ZC3H3: variants seen among roughly 807,000 people sequenced by gnomAD.
ZC3H3 encodes the protein zinc finger CCCH-type containing 3, also known as zinc finger CCCH domain-containing protein 3.
A neutral mutation model predicts 77.3 loss-of-function variants in ZC3H3; 36 were observed. That is an observed-to-expected ratio of 0.47 (90% CI 0.36 to 0.61). ZC3H3 has a LOEUF of 0.61. Ranked by LOEUF, ZC3H3 falls within the 20% of genes least tolerant of loss-of-function variation. The pLI is 0.00. For missense variants in ZC3H3, 1,331 were observed against 1,312.2 expected, an observed-to-expected ratio of 1.01 and a Z score of -0.22; for synonymous variants, 626 against 555.2, an observed-to-expected ratio of 1.13 and a Z score of -1.79.
chr8:143,471,313 C>T (rs1328436895), intron 5 of ZC3H3, among the ~76,000 whole-genome samples: 2 of 152,218 alleles, frequency 1.3e-5, no homozygotes, highest in African/African-American at 4.8e-5. Flanking sequence ...GAGGGTGCCC[C>T]AGAAGAGGCA....
chr8:143,514,643 C>T (rs1320244118), intron 3 of ZC3H3, among the ~76,000 whole-genome samples: 2 of 152,224 alleles, frequency 1.3e-5, no homozygotes, highest in East Asian at 1.9e-4. Context: ...CCTGCTCTCG[C>T]GCCCCCTCAG....
chr8:143,536,256 C>CCTT lies in ZC3H3; in HGVS notation c.1559_1561dup (p.Glu520dup). 1.2e-6 allele frequency: 2 copies of CCTT among 1,609,984 alleles called. No homozygotes were observed. Among genetic ancestry groups the CCTT allele is most frequent in the Non-Finnish European group, 8.5e-7 (1 of 1,179,342 alleles). On this transcript the variant is annotated inframe_insertion and splice_region_variant. Transcript: ENST00000262577. ...GCCCAGCGCCCCTGCTCCCAGCATACCTTCCTTGGTGGGGAGGTGGGCCCG... is the reference window on the plus strand; with the variant it reads ...GCCCAGCGCCCCTGCTCCCAGCATACCTTCTTCCTTGGTGGGGAGGTGGGCCCG...
intron 1 of ZC3H3, among the ~76,000 whole-genome samples, chr8:143,540,346 A>G (rs1459396600): frequency 6.6e-6 from 1 of 151,944 alleles, no homozygotes; most frequent in Non-Finnish European, 1.5e-5. Context: ...CAAACCTTCC[A>G]CCTCTGAGTA....
intron 2 of ZC3H3, among the ~76,000 whole-genome samples, chr8:143,537,588 G>A (rs922718751): frequency 2.0e-5 from 3 of 152,230 alleles, no homozygotes; most frequent in African/African-American, 7.2e-5. Context: ...TCCAGGCCAG[G>A]GGCAGACACA....
intron 9 of ZC3H3, among the ~76,000 whole-genome samples, chr8:143,459,030 G>A (rs911892007): frequency 2.0e-5 from 3 of 151,342 alleles, no homozygotes; most frequent in African/African-American, 4.8e-5. Context: ...GGCTTCACTG[G>A]TGAATTCTAC....
chr8:143,437,761 C>A lies in ZC3H3; in HGVS notation c.*295G>T, dbSNP rs937659958. 4.1e-6 allele frequency: 2 copies of A among 485,002 alleles called. No individual in the cohort carries two copies. The highest frequency in any genetic ancestry group is 1.9e-5 in the African/African-American group (1 of 51,536). The allele number at this position is 485,002 out of a possible 1,614,324, so 30.0% of individuals were successfully genotyped here. A position where few individuals can be genotyped will look rare whatever the true frequency, so the allele number is the denominator to read the frequency against. On this transcript the variant is annotated 3_prime_UTR_variant, in exon 12 of 12. Transcript: ENST00000262577. ...AAACCTGGGTGGGGAGGGCTGGGGG[C>A]TGCAGGGCCACTGTTGCCAATGGCA...
At chr8:143,506,278 C>A (rs951556056) in intron 4 of ZC3H3, among the ~76,000 whole-genome samples, 2 of 152,188 alleles carry the variant, frequency 1.3e-5, no homozygotes, top group African/African-American at 2.4e-5. Context: ...AGAGGTGGAC[C>A]CTCGACGTCG....
chr8:143,459,351 T>C lies in ZC3H3; in HGVS notation c.2307+6366A>G, dbSNP rs57884004. Among the ~76,000 whole-genome samples, 1,421 of 152,200 alleles carry C rather than the reference T, an allele frequency of 9.3e-3. 27 individuals are homozygous for C. Among genetic ancestry groups the C allele is most frequent in the African/African-American group, 0.032 (1,331 of 41,518 alleles). Reference sequence around the variant, plus strand: ...TCACCTGAGGTCAGGAGTTTGAGACTAGCCTCACCAACATGGCGAAACCCG... The same window carrying C: ...TCACCTGAGGTCAGGAGTTTGAGACCAGCCTCACCAACATGGCGAAACCCG... On this transcript the variant is annotated intron_variant, in intron 9 of 11. Coordinates refer to ENST00000262577, the MANE Select transcript of ZC3H3 (RefSeq NM_015117.3).
chr8:143,514,897 CCT>C (rs138061930), intron 3 of ZC3H3, among the ~76,000 whole-genome samples: 2,690 of 152,364 alleles, frequency 0.018, 78 homozygotes, highest in African/African-American at 0.061. Context: ...CAGTCCCCTC[CCT>C]GTCAGGCCCA....
At position 143,462,346 on chromosome 8, in the gene ZC3H3, G is replaced by A. The variant is rs1000373928; in HGVS notation, c.2307+3371C>T. Among the ~76,000 whole-genome samples the A allele has an allele frequency of 1.3e-5, 2 of 152,228 alleles. No individual in the cohort carries two copies. The highest frequency in any genetic ancestry group is 4.8e-5 in the African/African-American group (2 of 41,452). On this transcript the variant is annotated intron_variant, in intron 9 of 11. Transcript: ENST00000262577. This position sits in a 1 kb window ranked among gnomAD's most constrained non-coding sequence, Gnocchi z 4.7. The stretch of plus-strand genomic sequence containing the variant: ...AGGAGGCACTCTGTGACCATGGGTG[G>A]AGACTGGTCCTAAACAAGACCCCGA...
intron 9 of ZC3H3, among the ~76,000 whole-genome samples, chr8:143,465,109 G>A (rs914147482): frequency 6.6e-6 from 1 of 152,086 alleles, no homozygotes; most frequent in African/African-American, 2.4e-5. Context: ...AGTCAGTCAT[G>A]CCCCTAGGAA....
chr8:143,500,633 G>A (rs930243201), intron 4 of ZC3H3, among the ~76,000 whole-genome samples: 2 of 152,230 alleles, frequency 1.3e-5, no homozygotes, highest in African/African-American at 4.8e-5. Flanking sequence ...GGCACCAGGT[G>A]AGGGTTTTCT....
At chr8:143,461,329 G>C (rs928102545) in intron 9 of ZC3H3, among the ~76,000 whole-genome samples, 3 of 152,298 alleles carry the variant, frequency 2.0e-5, no homozygotes, top group Non-Finnish European at 4.4e-5. Flanking sequence ...CCACCAGAAC[G>C]GGTGTGCCAG....
At chr8:143,507,517 C>T (rs1353157175) in intron 4 of ZC3H3, among the ~76,000 whole-genome samples, 4 of 152,256 alleles carry the variant, frequency 2.6e-5, no homozygotes, top group African/African-American at 7.2e-5. Context: ...CATGTGTGTC[C>T]GTCCGTCTTC....
At position 143,537,987 on chromosome 8, in the gene ZC3H3, C is replaced by G; in HGVS notation, c.1364+16G>C. The G allele has an allele frequency of 6.3e-7, 1 of 1,582,510 alleles. No homozygotes were observed. The highest frequency in any genetic ancestry group is 8.6e-7 in the Non-Finnish European group (1 of 1,164,086). ...ACAGCCCCTCACACTCTACCGCAGC[C>G]GGCCGGGATGCCCACCTTGTGCTGC... On this transcript the variant is annotated intron_variant, in intron 2 of 11. Coordinates refer to ENST00000262577, the MANE Select transcript of ZC3H3 (RefSeq NM_015117.3).
intron 4 of ZC3H3, among the ~76,000 whole-genome samples, chr8:143,504,481 G>C (rs1821627767): frequency 6.6e-6 from 1 of 152,158 alleles, no homozygotes; most frequent in African/African-American, 2.4e-5. Context: ...TTCCTCTCAG[G>C]ACGGGTGGTA....
rs896933 is a variant in ZC3H3 at position 143,533,031 on chromosome 8, T to C, written c.1561+3226A>G. On this transcript the variant is annotated intron_variant, in intron 3 of 11. Transcript: ENST00000262577. This position sits in a 1 kb window ranked among gnomAD's most constrained non-coding sequence, Gnocchi z 4.0. ...TGGCGTCAGTGGCCTCACGCACAGG[T>C]CCTCCCGACTCTGCCCACTCGGGCC... Among the ~76,000 whole-genome samples the C allele has an allele frequency of 0.59, 89,248 of 151,212 alleles. 26,489 individuals carry two copies. Among genetic ancestry groups the C allele is most frequent in the South Asian group, 0.72 (3,441 of 4,798 alleles).
chr8:143,470,968 C>T (rs374534), intron 5 of ZC3H3, among the ~76,000 whole-genome samples: 1 of 152,026 alleles, frequency 6.6e-6, no homozygotes, highest in African/African-American at 2.4e-5. Flanking sequence ...CCAGCCCCAC[C>T]CCCTGCTCGG....
intron 9 of ZC3H3, among the ~76,000 whole-genome samples, chr8:143,449,422 A>G (rs372995708): frequency 1.3e-5 from 2 of 152,366 alleles, no homozygotes; most frequent in African/African-American, 4.8e-5. Flanking sequence ...TTTGCTGCTT[A>G]GAAACTTCCA....
Sources: allele counts gnomAD v4.1 joint callset (sites outside exome capture counted in the v4.1 genomes callset), GRCh38; gene constraint gnomAD v4.1.1; non-coding constraint Gnocchi (gnomAD v3.1); transcripts MANE v1.5; gene names NCBI Gene and HGNC (gene_info 2026-07-23, HGNC 2026-07-21).